The following CWH43 variants were observed in gnomAD, a reference collection of about 807,000 sequenced individuals.
CWH43 encodes the protein PGAP2-interacting protein.
CWH43 carries 91 observed loss-of-function variants against 85.7 expected under a neutral mutation model. The ratio of observed to expected loss-of-function variants is 1.06; its 90% CI spans 0.90 to 1.26. The LOEUF (loss-of-function observed/expected upper bound fraction) is 1.26, where lower values mean the gene tolerates loss of function less well. Ranked by LOEUF, CWH43 falls within the 50% of genes most tolerant of loss-of-function variation. The pLI is 0.00. For synonymous variants in CWH43, 323 were observed against 293.6 expected, an observed-to-expected ratio of 1.10 and a Z score of -1.02; for missense variants, 869 against 839.2, an observed-to-expected ratio of 1.04 and a Z score of -0.44.
chr4:49,044,166 T>TATG, intron 13 of CWH43, among the ~76,000 whole-genome samples: 1 of 152,294 alleles, frequency 6.6e-6, no homozygotes. Context: ...TAGAAAAGAA[T>TATG]ATGTTTCTGT....
At chr4:49,057,789 G>T (rs1342629003) in intron 15 of CWH43, among the ~76,000 whole-genome samples, 1 of 151,970 alleles carries the variant, frequency 6.6e-6, no homozygotes, top group African/African-American at 2.4e-5. Flanking sequence ...ATATATTTAG[G>T]TGCTCTGATG....
chr4:49,019,263 C>A (rs559328053), intron 9 of CWH43, among the ~76,000 whole-genome samples: 1 of 152,200 alleles, frequency 6.6e-6, no homozygotes, highest in East Asian at 1.9e-4. Flanking sequence ...TGGAGGGTAA[C>A]TGGGTATGGG....
At chr4:48,995,813 G>C (rs1301412098) in intron 5 of CWH43, among the ~76,000 whole-genome samples, 1 of 152,136 alleles carries the variant, frequency 6.6e-6, no homozygotes, top group African/African-American at 2.4e-5. Flanking sequence ...ATCTGCCTTA[G>C]TGGAGTCCTC....
At chr4:49,012,788 T>TGG (rs1783406942) in intron 8 of CWH43, among the ~76,000 whole-genome samples, 1 of 152,208 alleles carries the variant, frequency 6.6e-6, no homozygotes, top group South Asian at 2.1e-4. Flanking sequence ...TTTGCCTGGG[T>TGG]ATCACCAGTG....
At chr4:49,025,455 T>C (rs1783880745) in intron 9 of CWH43, among the ~76,000 whole-genome samples, 1 of 152,178 alleles carries the variant, frequency 6.6e-6, no homozygotes, top group Non-Finnish European at 1.5e-5. Flanking sequence ...TAGAATTGTG[T>C]TTCTGGTTCC....
intron 8 of CWH43, among the ~76,000 whole-genome samples, chr4:49,009,912 A>C (rs1375769382): frequency 1.3e-5 from 2 of 152,278 alleles, no homozygotes; most frequent in East Asian, 3.9e-4. Context: ...AGTGATGTAT[A>C]TCAGGGATAT....
intron 15 of CWH43, among the ~76,000 whole-genome samples, chr4:49,057,714 T>C (rs1442657631): frequency 1.3e-5 from 2 of 152,210 alleles, no homozygotes; most frequent in African/African-American, 2.4e-5. Context: ...AGTGGGTTAT[T>C]GGAGTCCCCT....
chr4:48,997,442 C>T (rs1475373823), intron 5 of CWH43, among the ~76,000 whole-genome samples: 2 of 152,096 alleles, frequency 1.3e-5, no homozygotes, highest in African/African-American at 2.4e-5. Flanking sequence ...GATCGTTGTT[C>T]ATTGATGCAT....
intron 14 of CWH43, among the ~76,000 whole-genome samples, chr4:49,046,692 A>G (rs1177090770): frequency 6.6e-6 from 1 of 151,892 alleles, no homozygotes; most frequent in South Asian, 2.1e-4. Flanking sequence ...GGAGGCGGGG[A>G]AAGTTTGAGA....
chr4:49,037,929 T>C, intron 12 of CWH43, 107 bp from the exon 13 acceptor site: 3 of 877,538 alleles, frequency 3.4e-6, no homozygotes. Flanking sequence ...GGAATGACTC[T>C]GGGCTTCTTC....
chr4:49,034,623 T>C (rs1319201211), intron 12 of CWH43, among the ~76,000 whole-genome samples: 1 of 152,192 alleles, frequency 6.6e-6, no homozygotes, highest in Non-Finnish European at 1.5e-5. Flanking sequence ...TGAACACTTA[T>C]TGATGATACA....
chr4:49,008,429 T>A (rs2109769064), intron 8 of CWH43, among the ~76,000 whole-genome samples: 1 of 152,144 alleles, frequency 6.6e-6, no homozygotes, highest in Non-Finnish European at 1.5e-5. Context: ...GTAGGTTTCC[T>A]GTTCACTCTG....
At chr4:49,025,179 C>T (rs148747353) in intron 9 of CWH43, among the ~76,000 whole-genome samples, 3,134 of 151,992 alleles carry the variant, frequency 0.021, 50 homozygotes, top group Non-Finnish European at 0.031. Context: ...CTTCTCTAAG[C>T]GTGTCCATTT....
At chr4:49,044,519 G>A (rs999193424) in intron 13 of CWH43, among the ~76,000 whole-genome samples, 10 of 152,280 alleles carry the variant, frequency 6.6e-5, no homozygotes, top group South Asian at 2.1e-4. Context: ...TTTTGTAATC[G>A]TTGATTTATC....
At chr4:49,009,023 T>G (rs1783261746) in intron 8 of CWH43, among the ~76,000 whole-genome samples, 3 of 152,176 alleles carry the variant, frequency 2.0e-5, no homozygotes, top group Admixed American at 1.3e-4. Flanking sequence ...AAGTCATTGG[T>G]GACTTGATGG....
At chr4:49,047,763 A>C (rs554373960) in intron 14 of CWH43, among the ~76,000 whole-genome samples, 1 of 152,272 alleles carries the variant, frequency 6.6e-6, no homozygotes, top group East Asian at 1.9e-4. Flanking sequence ...GTAAGGATCT[A>C]GGGATCCTTA....
intron 5 of CWH43, among the ~76,000 whole-genome samples, chr4:48,995,489 G>A (rs1281349936): frequency 6.6e-6 from 1 of 152,178 alleles, no homozygotes; most frequent in Non-Finnish European, 1.5e-5. Context: ...ATCTGCCTCC[G>A]ATATCTTTTC....
At chr4:49,006,364 A>T (rs1036713879) in intron 7 of CWH43, among the ~76,000 whole-genome samples, 8 of 152,170 alleles carry the variant, frequency 5.3e-5, no homozygotes, top group Non-Finnish European at 1.2e-4. Flanking sequence ...ATGTTATTTG[A>T]TGAGGCCACA....
chr4:49,007,067 G>C, intron 7 of CWH43, 134 bp from the exon 8 acceptor site: 1 of 1,011,420 alleles, frequency 9.9e-7, no homozygotes, highest in South Asian at 2.7e-5. Context: ...AATTGTTTAG[G>C]TTCTGAGATA....
Sources: gnomAD v4.1 joint callset for allele counts (sites outside exome capture counted in the v4.1 genomes callset) on GRCh38, gnomAD v4.1.1 for gene constraint, MANE v1.5 for transcripts, NCBI Gene and HGNC (gene_info 2026-07-23, HGNC 2026-07-21) for gene names.